ARMC3: variants seen among roughly 807,000 people sequenced by gnomAD.
ARMC3 encodes armadillo repeat-containing protein 3.
A neutral mutation model predicts 90.3 loss-of-function variants in ARMC3; 74 were observed. That is an observed-to-expected ratio of 0.82 (90% CI 0.68 to 0.99). The LOEUF (loss-of-function observed/expected upper bound fraction) is 0.99, where lower values mean the gene tolerates loss of function less well. ARMC3 is among the 50% of genes least tolerant of loss of function. The pLI is 0.00. For missense variants in ARMC3, 958 were observed against 1,042.8 expected (o/e 0.92, Z 1.12); for synonymous variants, 334 against 361.8 (o/e 0.92, Z 0.87).
rs1382959629 is a variant in ARMC3, at chr10:23,001,996, T to C, written c.1503T>C (p.Ser501=). 2 of 1,613,926 alleles carry C rather than the reference T, an allele frequency of 1.2e-6. No individual in the cohort carries two copies. Among genetic ancestry groups the C allele is most frequent in the East Asian group, 2.2e-5 (1 of 44,870 alleles). The change falls in exon 12 of 19, where the codon AGT becomes AGC. Residue 501 remains serine, a synonymous_variant. Transcript: ENST00000298032. ...SKNDEVRKHA[S]WAVMVCAGDE... Reference sequence around the variant, plus strand: ...ATGATGAAGTGAGGAAGCACGCCAGTTGGGCAGTGATGGTCTGTGCTGGTG... The same window carrying C: ...ATGATGAAGTGAGGAAGCACGCCAGCTGGGCAGTGATGGTCTGTGCTGGTG...
chr10:23,027,000 A>G (rs1564404627), intron 16 of ARMC3, among the ~76,000 whole-genome samples: 1 of 152,042 alleles, frequency 6.6e-6, no homozygotes, highest in East Asian at 1.9e-4. Flanking sequence ...TACTAGTATC[A>G]CTCTGTCAGA....
chr10:22,969,247 T>A (rs1307895786), intron 8 of ARMC3, among the ~76,000 whole-genome samples: 2 of 152,230 alleles, frequency 1.3e-5, no homozygotes, highest in African/African-American at 4.8e-5. Context: ...TATGTTGATA[T>A]AAATCTGTAA....
chr10:23,004,036 T>C (rs1472051430), intron 13 of ARMC3, among the ~76,000 whole-genome samples: 1 of 151,844 alleles, frequency 6.6e-6, no homozygotes, highest in Admixed American at 6.6e-5. Context: ...TGTAGTCTGA[T>C]CTACTCAGGA....
chr10:23,008,120 A>G (rs1837717272), intron 14 of ARMC3, among the ~76,000 whole-genome samples, 156 bp from the exon 15 acceptor site: 1 of 152,192 alleles, frequency 6.6e-6, no homozygotes, highest in South Asian at 2.1e-4. Flanking sequence ...CAAACAAAGA[A>G]AAAATGACTT....
intron 13 of ARMC3, among the ~76,000 whole-genome samples, chr10:23,005,895 G>A (rs1461686418): frequency 6.6e-6 from 1 of 152,012 alleles, no homozygotes; most frequent in Admixed American, 6.6e-5. Context: ...GAAATGAGAG[G>A]TGCCATGGAG....
chr10:23,029,409 A>G (rs1221964450), intron 16 of ARMC3, among the ~76,000 whole-genome samples: 1 of 152,144 alleles, frequency 6.6e-6, no homozygotes, highest in Non-Finnish European at 1.5e-5. Flanking sequence ...AGCTTTTGTG[A>G]CTGTATTCAA....
Position 22,986,116 on chromosome 10 carries a change from C to G in ARMC3, c.1175+4416C>G, listed in dbSNP as rs542760254. ...CCACACCCCTGCACTGCACGCCCCC[C>G]CCCCGCGCCACACACCAACCACTAG... On this transcript the variant is annotated intron_variant, in intron 10 of 18. Transcript: ENST00000298032. 3.4e-3 allele frequency among the ~76,000 whole-genome samples: 505 copies of G among 147,816 alleles called. 16 individuals are homozygous for G. The highest frequency in any genetic ancestry group is 0.012 in the African/African-American group (475 of 40,732).
At chr10:22,997,000 A>G (rs949155798) in intron 10 of ARMC3, among the ~76,000 whole-genome samples, 2 of 151,984 alleles carry the variant, frequency 1.3e-5, no homozygotes, top group African/African-American at 4.8e-5. Flanking sequence ...TGTTCATATT[A>G]TTGACATCTC....
At chr10:22,978,982 A>C (rs958104897) in intron 8 of ARMC3, among the ~76,000 whole-genome samples, 5 of 152,146 alleles carry the variant, frequency 3.3e-5, no homozygotes, top group African/African-American at 4.8e-5. Context: ...ATGCATCTCA[A>C]CTGTGGAAAG....
rs1429814893 is a variant in ARMC3 at position 23,037,496 on chromosome 10, AAG to A, written c.*22_*23del. On this transcript the variant is annotated 3_prime_UTR_variant, in exon 19 of 19. Coordinates refer to ENST00000298032, the MANE Select transcript of ARMC3 (RefSeq NM_173081.5). ...TTCATTTAAGCCATCAGACGAACAC[AAG>A]AGAGGCTCAAACAAGAAATTCACTG... 3 of 1,600,372 alleles carry A rather than the reference AAG, an allele frequency of 1.9e-6. No homozygotes were observed. In the East Asian group the frequency reaches 6.7e-5, roughly 36 times the overall value.
intron 16 of ARMC3, among the ~76,000 whole-genome samples, chr10:23,029,713 A>T (rs369346706): frequency 6.6e-5 from 10 of 152,230 alleles, no homozygotes; most frequent in Non-Finnish European, 1.5e-4. Context: ...TAAAATATAC[A>T]TGCTAACTAG....
chr10:22,933,905 A>G (rs563578229), intron 2 of ARMC3, among the ~76,000 whole-genome samples: 87 of 152,132 alleles, frequency 5.7e-4, no homozygotes, highest in Non-Finnish European at 7.6e-4. Flanking sequence ...CCAACCAACC[A>G]ACAAACAAAC....
intron 16 of ARMC3, among the ~76,000 whole-genome samples, chr10:23,024,044 A>G (rs1389788385): frequency 6.6e-6 from 1 of 152,190 alleles, no homozygotes. Flanking sequence ...AAACAACACT[A>G]AGTTAATTAT....
intron 3 of ARMC3, among the ~76,000 whole-genome samples, chr10:22,954,684 A>G (rs562456425): frequency 3.3e-5 from 5 of 151,886 alleles, no homozygotes; most frequent in Non-Finnish European, 4.4e-5. Flanking sequence ...GAAAAAAAAA[A>G]AAAAGAAAAA....
chr10:23,028,339 T>G lies in ARMC3; in HGVS notation c.2046-2257T>G, dbSNP rs559236598. Among the ~76,000 whole-genome samples the G allele has an allele frequency of 1.0e-4, 15 of 143,366 alleles. No homozygotes were observed. In the East Asian group the frequency reaches 3.0e-3, roughly 29 times the overall value. 94.1% of individuals were successfully genotyped at this position (143,366 alleles called of 152,430 possible). ...AGTTCCAAAATTATATTTTTATGTC[T>G]TCTATTTATTTCTAAGATTTTTATA... On this transcript the variant is annotated intron_variant, in intron 16 of 18. Coordinates refer to ENST00000298032, the MANE Select transcript of ARMC3 (RefSeq NM_173081.5).
In ARMC3 at chr10:23,032,926, T is replaced by A; in HGVS notation, c.2312T>A (p.Leu771His). 6.2e-7 allele frequency: 1 copy of A among 1,613,144 alleles called. No individual in the cohort carries two copies. The highest frequency in any genetic ancestry group is 1.1e-5 in the South Asian group (1 of 91,046). The change falls in exon 18 of 19, where the codon CTT becomes CAT. Residue 771 changes from leucine to histidine, a missense_variant. By Grantham distance (99) the Leu-to-His change is moderately conservative (BLOSUM62 -3). Coordinates refer to ENST00000298032, the MANE Select transcript of ARMC3 (RefSeq NM_173081.5). Reference protein sequence around the residue: ...KEKLPDFSWELHISELKFQLK... With the variant: ...KEKLPDFSWEHHISELKFQLK... ...AAACTACCTGATTTCAGCTGGGAAC[T>A]TCACATAAGTGAACTGAAATTTCAA...
intron 10 of ARMC3, among the ~76,000 whole-genome samples, chr10:22,994,492 G>C (rs2131385375): frequency 6.6e-6 from 1 of 152,258 alleles, no homozygotes; most frequent in South Asian, 2.1e-4. Flanking sequence ...GAGGCCAGAA[G>C]TTTGGGACTA....
At chr10:23,000,815 T>C (rs1010998814) in intron 11 of ARMC3, among the ~76,000 whole-genome samples, 3 of 152,196 alleles carry the variant, frequency 2.0e-5, no homozygotes, top group Admixed American at 6.5e-5. Flanking sequence ...TGTCTTAGGA[T>C]ACTACACATT....
chr10:22,996,492 G>T (rs1027220595), intron 10 of ARMC3, among the ~76,000 whole-genome samples: 7 of 152,172 alleles, frequency 4.6e-5, no homozygotes, highest in Admixed American at 2.0e-4. Context: ...AAGAATGGGA[G>T]ATACCACAGA....
Sources: allele counts gnomAD v4.1 joint callset (sites outside exome capture counted in the v4.1 genomes callset), GRCh38; gene constraint gnomAD v4.1.1; transcripts MANE v1.5; gene names NCBI Gene and HGNC (gene_info 2026-07-23, HGNC 2026-07-21).